The following ANO6 variants were observed in gnomAD, a reference collection of about 807,000 sequenced individuals.
ANO6 encodes anoctamin 6.
Under a neutral mutation model 117.5 loss-of-function variants are expected in ANO6, and 106 were observed. The ratio of observed to expected loss-of-function variants is 0.90; its 90% CI spans 0.77 to 1.06. The LOEUF is 1.06. ANO6 is among the 50% of genes least tolerant of loss of function. The pLI, the probability that ANO6 is intolerant of heterozygous loss-of-function variation, is 0.00. For missense variants in ANO6, 955 were observed against 1,121.1 expected, an observed-to-expected ratio of 0.85 and a Z score of 2.12; for synonymous variants, 367 against 385.1, an observed-to-expected ratio of 0.95 and a Z score of 0.55.
At chr12:45,365,050 G>A (rs1273173279) in intron 8 of ANO6, among the ~76,000 whole-genome samples, 3 of 152,156 alleles carry the variant, frequency 2.0e-5, no homozygotes, top group African/African-American at 7.2e-5. Context: ...AAGTTTTGTT[G>A]TTAGCTAATG....
chr12:45,325,076 G>A lies in ANO6; in HGVS notation c.151-6219G>A, dbSNP rs1275006101. Among the ~76,000 whole-genome samples the A allele has an allele frequency of 6.6e-5, 10 of 152,294 alleles. No individual in the cohort carries two copies. In the East Asian group the frequency reaches 1.7e-3, roughly 26 times the overall value. Reference sequence around the variant, plus strand: ...GAAGAATCAGAGGATGAGCAGAGGGGAACATACAGTTACGAAGTCAAGCTA... The same window carrying A: ...GAAGAATCAGAGGATGAGCAGAGGGAAACATACAGTTACGAAGTCAAGCTA... On this transcript the variant is annotated intron_variant, in intron 2 of 19. Transcript: ENST00000320560.
intron 16 of ANO6, among the ~76,000 whole-genome samples, chr12:45,410,854 T>C (rs550453939): frequency 6.6e-5 from 10 of 152,228 alleles, no homozygotes; most frequent in Non-Finnish European, 1.5e-4. Context: ...CTTCCTTCAA[T>C]GAGTAAAAGG....
At chr12:45,362,843 A>T (rs767606898) in intron 8 of ANO6, among the ~76,000 whole-genome samples, 3 of 152,214 alleles carry the variant, frequency 2.0e-5, no homozygotes, top group Non-Finnish European at 4.4e-5. Flanking sequence ...TGGTATTATC[A>T]TCATGCAAAT....
chr12:45,275,969 C>T (rs1213883118), intron 1 of ANO6, among the ~76,000 whole-genome samples: 3 of 152,124 alleles, frequency 2.0e-5, no homozygotes, highest in Admixed American at 2.0e-4. Flanking sequence ...GAGTTCTAGA[C>T]GCCGTACCCT....
At chr12:45,355,877 C>T (rs940592751) in intron 7 of ANO6, among the ~76,000 whole-genome samples, 3 of 152,282 alleles carry the variant, frequency 2.0e-5, no homozygotes, top group East Asian at 1.9e-4. Flanking sequence ...TAAGTCCCCA[C>T]GAGGCTAAGA....
At chr12:45,393,634 A>C (rs1165432567) in intron 12 of ANO6, among the ~76,000 whole-genome samples, 1 of 152,222 alleles carries the variant, frequency 6.6e-6, no homozygotes, top group Non-Finnish European at 1.5e-5. Flanking sequence ...CCATCAGACT[A>C]ACAGCACATC....
chr12:45,424,833 T>G (rs1394770176), intron 19 of ANO6, among the ~76,000 whole-genome samples: 1 of 152,080 alleles, frequency 6.6e-6, no homozygotes, highest in Non-Finnish European at 1.5e-5. Flanking sequence ...TGCATTTGCC[T>G]CAGTAGAAAG....
chr12:45,310,478 G>A (rs1009321754), intron 2 of ANO6, among the ~76,000 whole-genome samples: 2 of 152,062 alleles, frequency 1.3e-5, no homozygotes, highest in African/African-American at 2.4e-5. Flanking sequence ...TTTGAGTTAT[G>A]TGAGATGATG....
At chr12:45,383,124 G>T in intron 10 of ANO6, 1 of 213,774 alleles carries the variant, frequency 4.7e-6, no homozygotes, top group Admixed American at 4.8e-5. Context: ...TAAATCCTTT[G>T]TTGTCGTTTC....
intron 19 of ANO6, among the ~76,000 whole-genome samples, chr12:45,424,685 G>T (rs571931650): frequency 6.6e-6 from 1 of 152,186 alleles, no homozygotes; most frequent in East Asian, 1.9e-4. Context: ...CTCTTGTAGT[G>T]CTGGAGGTCT....
intron 19 of ANO6, among the ~76,000 whole-genome samples, chr12:45,427,794 G>T (rs1481452916): frequency 6.7e-6 from 1 of 150,136 alleles, no homozygotes; most frequent in Non-Finnish European, 1.5e-5. Flanking sequence ...CCCAAAATTA[G>T]CCGGGCATGG....
chr12:45,258,538 T>C (rs1937915892), intron 1 of ANO6, among the ~76,000 whole-genome samples: 1 of 152,094 alleles, frequency 6.6e-6, no homozygotes, highest in African/African-American at 2.4e-5. Context: ...CCTCTTTACT[T>C]CTCTCTCCTC....
chr12:45,406,880 G>A (rs1942948633), intron 15 of ANO6, among the ~76,000 whole-genome samples: 1 of 152,234 alleles, frequency 6.6e-6, no homozygotes, highest in Admixed American at 6.5e-5. Context: ...AAGAGGAAGT[G>A]AGATGTAAAG....
At chr12:45,336,422 A>T (rs571659057) in intron 3 of ANO6, among the ~76,000 whole-genome samples, 4 of 152,196 alleles carry the variant, frequency 2.6e-5, no homozygotes, top group Non-Finnish European at 5.9e-5. Context: ...ATACTACATT[A>T]AATTATTTAT....
intron 3 of ANO6, among the ~76,000 whole-genome samples, chr12:45,336,849 C>G (rs2137417536): frequency 6.6e-6 from 1 of 151,846 alleles, no homozygotes; most frequent in South Asian, 2.1e-4. Flanking sequence ...AGGAGGTATT[C>G]CAAAAGAAGG....
intron 18 of ANO6, 75 bp from the exon 19 acceptor site, chr12:45,422,882 T>C: frequency 8.4e-7 from 1 of 1,196,964 alleles, no homozygotes; most frequent in Non-Finnish European, 1.2e-6. Flanking sequence ...CATGACCTCT[T>C]TTTAAATGGG....
At chr12:45,235,758 A>G (rs895457872) in intron 1 of ANO6, among the ~76,000 whole-genome samples, 1 of 152,184 alleles carries the variant, frequency 6.6e-6, no homozygotes, top group Non-Finnish European at 1.5e-5. Flanking sequence ...CAGGAGTCCA[A>G]AAAGTTGAGA....
chr12:45,439,692 C>T (rs757136132), exon 20 of ANO6: 2 of 1,447,310 alleles, frequency 1.4e-6, no homozygotes, highest in East Asian at 2.6e-5. Context: ...CTTTGTTGCC[C>T]AGGCTGGGAC....
In ANO6 at chr12:45,429,992, A is replaced by G; in HGVS notation, c.*681A>G. The G allele has an allele frequency of 1.0e-6, 1 of 986,286 alleles. No homozygotes were observed. The highest frequency in any genetic ancestry group is 1.2e-6 in the Non-Finnish European group (1 of 830,602). The allele number at this position is 986,286 out of a possible 1,614,324, so 61.1% of individuals were successfully genotyped here. ...GTCCTAATCCACAGTGACACTTTTT[A>G]TCTTCCAGGAGCACTCCTAGGAGGT... is the stretch of plus-strand genomic sequence containing the variant. On this transcript the variant is annotated 3_prime_UTR_variant, in exon 20 of 20. Transcript: ENST00000320560.
Sources: gnomAD v4.1 joint callset for allele counts (sites outside exome capture counted in the v4.1 genomes callset) on GRCh38, gnomAD v4.1.1 for gene constraint, MANE v1.5 for transcripts, NCBI Gene and HGNC (gene_info 2026-07-23, HGNC 2026-07-21) for gene names.